The following GUF1 variants were observed in gnomAD, a reference collection of about 807,000 sequenced individuals.
The protein encoded by GUF1 is GTP binding elongation factor GUF1.
GUF1 carries 78 observed loss-of-function variants against 82.4 expected under a neutral mutation model. The ratio of observed to expected loss-of-function variants is 0.95; its 90% CI spans 0.79 to 1.14. GUF1 has a LOEUF of 1.14. Among genes scored for constraint, GUF1 ranks in the 50% most tolerant of loss-of-function variants. GUF1 has a pLI of 0.00. For missense variants in GUF1, 814 were observed against 798.2 expected (o/e 1.02, Z -0.24); for synonymous variants, 279 against 282.3 (o/e 0.99, Z 0.12).
chr4:44,696,597 G>A (rs1346289522), intron 15 of GUF1, among the ~76,000 whole-genome samples: 5 of 152,152 alleles, frequency 3.3e-5, no homozygotes, highest in South Asian at 2.1e-4. Context: ...TATTAAATTC[G>A]ACCTTAACCC....
At chr4:44,692,997 T>G (rs1305429068) in intron 13 of GUF1, among the ~76,000 whole-genome samples, 1 of 152,010 alleles carries the variant, frequency 6.6e-6, no homozygotes, top group Admixed American at 6.6e-5. Context: ...ACATTTTGAA[T>G]TTAATGAGAG....
At position 44,678,476 on chromosome 4, in the gene GUF1, A is replaced by C; in HGVS notation, c.-147A>C. ...TTGCTTCCGGATCTGGTACTTGGGC[A>C]GAGCTCCCCGGGGTTCATTGTCTTC... On this transcript the variant is annotated 5_prime_UTR_variant, in exon 1 of 17. Transcript: ENST00000281543. The C allele has an allele frequency of 3.4e-6, 2 of 595,446 alleles. No homozygotes were observed. The highest frequency in any genetic ancestry group is 5.1e-6 in the Non-Finnish European group (2 of 389,720). The allele number at this position is 595,446 out of a possible 1,614,324, so 36.9% of individuals were successfully genotyped here.
In GUF1 at chr4:44,694,352, G is replaced by A. The variant is rs558612598; in HGVS notation, c.1614-60G>A. 1.2e-4 allele frequency: 116 copies of A among 958,510 alleles called. 2 individuals are homozygous for A. The highest frequency in any genetic ancestry group is 9.7e-4 in the South Asian group (73 of 75,152). The allele number at this position is 958,510 out of a possible 1,614,324, so 59.4% of individuals were successfully genotyped here. A position where few individuals can be genotyped will look rare whatever the true frequency, so the allele number is the denominator to read the frequency against. ...GTAGACATTTAGTAAAGAGTAAAGA[G>A]TAATAAAGGTAATCTCTCAGGAAGT... is the stretch of plus-strand genomic sequence containing the variant. On this transcript the variant is annotated intron_variant, in intron 13 of 16. Transcript: ENST00000281543.
chr4:44,695,719 T>C lies in GUF1; in HGVS notation c.1820T>C (p.Ile607Thr). ...ATTCAAGCTGCTATTGGAAGTAAAA[T>C]CATTGCAAGAGAAACGTGAGTTGAA... ...IAIQAAIGSK[I>T]IARETVKAYR... The change falls in exon 15 of 17, where the codon ATC becomes ACC. Residue 607 changes from isoleucine to threonine, a missense_variant. Physicochemically the swap from Ile to Thr is moderately conservative, Grantham distance 89. Transcript: ENST00000281543. 6.2e-7 allele frequency: 1 copy of C among 1,612,156 alleles called. No individual in the cohort carries two copies. Among genetic ancestry groups the C allele is most frequent in the South Asian group, 1.1e-5 (1 of 90,544 alleles).
At chr4:44,680,377 T>A (rs1714692021) in intron 1 of GUF1, 64 bp from the exon 2 acceptor site, 2 of 649,638 alleles carry the variant, frequency 3.1e-6, no homozygotes, top group Non-Finnish European at 5.4e-6. Context: ...ATTCTTTGAA[T>A]TGGTATACTT....
At chr4:44,678,879 G>A in intron 1 of GUF1, 92 bp downstream of exon 1, 4 of 1,298,522 alleles carry the variant, frequency 3.1e-6, no homozygotes, top group Admixed American at 3.6e-5. Flanking sequence ...TCTGGGACTA[G>A]CTCTGAACCC....
Position 44,698,611 on chromosome 4 carries a change from G to C in GUF1, c.1940G>C (p.Arg647Thr). Residue 647 changes from arginine (R) to threonine (T), a missense_variant, in exon 17 of 17, where the codon AGG (arginine) becomes ACG (threonine). Arg to Thr is a moderately conservative substitution (Grantham distance 71, BLOSUM62 -1). Transcript: ENST00000281543. The part of the protein sequence containing the change: ...KRQAEGKKKL[R>T]KIGNVEVPKD... ...CAAGCAGAAGGGAAAAAAAAGCTGAGGAAAATTGGCAACGTTGAAGTTCCA... is the reference window on the plus strand; with the variant it reads ...CAAGCAGAAGGGAAAAAAAAGCTGACGAAAATTGGCAACGTTGAAGTTCCA... 1 of 1,611,058 alleles carries C rather than the reference G, an allele frequency of 6.2e-7. No individual in the cohort carries two copies. The highest frequency in any genetic ancestry group is 1.1e-5 in the South Asian group (1 of 90,214).
At position 44,678,634 on chromosome 4, in the gene GUF1, C is replaced by T. The variant is rs557235362; in HGVS notation, c.12C>T (p.Leu4=). 1 of 1,468,508 alleles carries T rather than the reference C, an allele frequency of 6.8e-7. No homozygotes were observed. The highest frequency in any genetic ancestry group is 8.9e-7 in the Non-Finnish European group (1 of 1,123,010). The allele number at this position is 1,468,508 out of a possible 1,614,324, so 91.0% of individuals were successfully genotyped here. The change falls in exon 1 of 17, where the codon CTC becomes CTT. Residue 4 remains leucine (L), a synonymous_variant. Transcript: ENST00000281543. MWT[L]VGRGWGCARA... ...CCGCCGCCCGGGTCATGTGGACCCT[C>T]GTGGGTCGGGGCTGGGGGTGCGCAC... is the stretch of plus-strand genomic sequence containing the variant.
intron 8 of GUF1, among the ~76,000 whole-genome samples, chr4:44,687,569 A>G (rs781402470): frequency 2.5e-4 from 38 of 151,812 alleles, no homozygotes; most frequent in Non-Finnish European, 4.4e-4. Flanking sequence ...TACAGGAGGA[A>G]TATCAAGTGT....
At chr4:44,698,330 GTTTCCTTGGGAATCT>G (rs1449564883) in intron 16 of GUF1, among the ~76,000 whole-genome samples, 199 bp from the exon 17 acceptor site, 3 of 151,884 alleles carry the variant, frequency 2.0e-5, no homozygotes, top group African/African-American at 4.8e-5. Context: ...ATTATACTAG[GTTTCCTTGGGAATCT>G]TCACCTCCAT....
At chr4:44,682,513 A>C in intron 5 of GUF1, 102 bp downstream of exon 5, 1 of 553,592 alleles carries the variant, frequency 1.8e-6, no homozygotes. Flanking sequence ...ATCACCAGCT[A>C]TTTATTAAAT....
chr4:44,697,531 G>T, intron 16 of GUF1, 87 bp downstream of exon 16: 1 of 652,350 alleles, frequency 1.5e-6, no homozygotes, highest in Non-Finnish European at 2.5e-6. Flanking sequence ...TTCCATTGTT[G>T]GTTTTTATAC....
In GUF1 at chr4:44,700,384, T is replaced by C. The variant is rs1251915680; in HGVS notation, c.*1703T>C. On this transcript the variant is annotated 3_prime_UTR_variant, in exon 17 of 17. Transcript: ENST00000281543. ...GCCAGATTAAGGTATAACTGACTAT[T>C]CCTCTACTCTCCTCTCACATGTAAA... The C allele has an allele frequency of 6.6e-6, 1 of 152,146 alleles. No homozygotes were observed. Among genetic ancestry groups the C allele is most frequent in the African/African-American group, 2.4e-5 (1 of 41,438 alleles). The allele number at this position is 152,146 out of a possible 1,614,324, so 9.4% of individuals were successfully genotyped here. A position where few individuals can be genotyped will look rare whatever the true frequency, so the allele number is the denominator to read the frequency against.
Position 44,680,753 on chromosome 4 carries a change from GA to G in GUF1, c.340del (p.Arg114GlufsTer23), listed in dbSNP as rs745631774. On this transcript the variant is annotated frameshift_variant, in exon 3 of 17. Transcript: ENST00000281543. LOFTEE classifies it high-confidence loss of function. ...TCTTGATAAATTGCAAGTGGAACGA[GA>G]AAGAGGAATCACTGTTAAAGCACAG... ...QVLDKLQVERERGITVKAQTA... is the reference protein window; with the variant it reads ...QVLDKLQVERXRGITVKAQTA... 3 of 1,611,710 alleles carry G rather than the reference GA, an allele frequency of 1.9e-6. No individual in the cohort carries two copies. The highest frequency in any genetic ancestry group is 2.5e-6 in the Non-Finnish European group (3 of 1,178,326).
At position 44,689,933 on chromosome 4, in the gene GUF1, T is replaced by A. The variant is rs1422259731; in HGVS notation, c.1293T>A (p.Thr431=). The A allele has an allele frequency of 6.2e-7, 1 of 1,608,350 alleles. No homozygotes were observed. The highest frequency in any genetic ancestry group is 2.2e-5 in the East Asian group (1 of 44,758). ...CTTCTGTTATTTTAACAACCCCTAC[T>A]GTTCCATATAAAGCTGTACTGTCAT... ...YNASVILTTP[T]VPYKAVLSSS... The change falls in exon 11 of 17, where the codon ACT becomes ACA. Residue 431 remains threonine, a synonymous_variant. Transcript: ENST00000281543.
At chr4:44,679,716 C>G (rs1421059718) in intron 1 of GUF1, among the ~76,000 whole-genome samples, 3 of 151,864 alleles carry the variant, frequency 2.0e-5, no homozygotes, top group African/African-American at 7.3e-5. Flanking sequence ...TTTTATATTT[C>G]ATTGTAATTT....
chr4:44,684,881 G>A (rs965007057), intron 6 of GUF1, among the ~76,000 whole-genome samples: 2 of 152,148 alleles, frequency 1.3e-5, no homozygotes, highest in Non-Finnish European at 2.9e-5. Flanking sequence ...TACAAGAAAC[G>A]AACCAGACCA....
intron 4 of GUF1, among the ~76,000 whole-genome samples, chr4:44,681,770 G>A (rs1189356408): frequency 6.6e-6 from 1 of 151,982 alleles, no homozygotes; most frequent in African/African-American, 2.4e-5. Context: ...GGTGGTGACC[G>A]TGTTGTGTTA....
intron 11 of GUF1, 93 bp from the exon 12 acceptor site, chr4:44,690,624 A>C: frequency 5.7e-5 from 37 of 645,100 alleles, no homozygotes; most frequent in Non-Finnish European, 8.3e-5. Flanking sequence ...TTAAATGATT[A>C]CAGCTGGAGG....
Sources: allele counts gnomAD v4.1 joint callset (sites outside exome capture counted in the v4.1 genomes callset), GRCh38; gene constraint gnomAD v4.1.1; transcripts MANE v1.5; gene names NCBI Gene and HGNC (gene_info 2026-07-23, HGNC 2026-07-21).